KLHL1: variants seen among roughly 807,000 people sequenced by gnomAD.
KLHL1 encodes kelch like family member 1.
Under a neutral mutation model 77.7 loss-of-function variants are expected in KLHL1, and 47 were observed. The observed-to-expected ratio is 0.60, with a 90% CI of 0.48 to 0.77. KLHL1 has a LOEUF of 0.77. KLHL1 is among the 30% of genes least tolerant of loss of function. KLHL1 has a pLI of 0.00. For missense variants in KLHL1, 925 were observed against 910.8 expected, an observed-to-expected ratio of 1.02 and a Z score of -0.20; for synonymous variants, 360 against 325.2, an observed-to-expected ratio of 1.11 and a Z score of -1.15.
chr13:69,813,189 C>T (rs1043573280), intron 6 of KLHL1, among the ~76,000 whole-genome samples: 4 of 151,936 alleles, frequency 2.6e-5, no homozygotes, highest in Non-Finnish European at 2.9e-5. Flanking sequence ...ATGGATGAAG[C>T]TGGAAACCAT....
chr13:70,051,628 C>T (rs1172475066), intron 1 of KLHL1, among the ~76,000 whole-genome samples: 2 of 151,984 alleles, frequency 1.3e-5, no homozygotes, highest in Non-Finnish European at 2.9e-5. Context: ...TAGTGAGTTA[C>T]ACATGAATTG....
At chr13:69,774,500 G>A (rs1288873092) in intron 7 of KLHL1, among the ~76,000 whole-genome samples, 1 of 151,710 alleles carries the variant, frequency 6.6e-6, no homozygotes, top group Non-Finnish European at 1.5e-5. Context: ...CTCTTCTCAG[G>A]TGTGAAAAAT....
At chr13:69,950,862 A>C (rs1487305429) in intron 3 of KLHL1, among the ~76,000 whole-genome samples, 8 of 151,654 alleles carry the variant, frequency 5.3e-5, no homozygotes, top group Non-Finnish European at 1.2e-4. Context: ...AAATAATTTG[A>C]ACTTGAATCA....
At chr13:69,834,753 C>A (rs1164487144) in intron 6 of KLHL1, among the ~76,000 whole-genome samples, 1 of 151,988 alleles carries the variant, frequency 6.6e-6, no homozygotes, top group African/African-American at 2.4e-5. Flanking sequence ...GAATGTATAA[C>A]AGAAGAACAA....
At chr13:69,846,249 T>C (rs1879455723) in intron 5 of KLHL1, among the ~76,000 whole-genome samples, 1 of 151,562 alleles carries the variant, frequency 6.6e-6, no homozygotes, top group Non-Finnish European at 1.5e-5. Context: ...GTCAGCTAGG[T>C]GGTCACTTTG....
chr13:69,926,335 T>TA (rs1464616433), intron 4 of KLHL1, among the ~76,000 whole-genome samples: 2 of 152,292 alleles, frequency 1.3e-5, no homozygotes, highest in African/African-American at 4.8e-5. Context: ...GCCATGACTT[T>TA]AAAAAAAATA....
intron 1 of KLHL1, among the ~76,000 whole-genome samples, chr13:70,090,933 A>T (rs539750087): frequency 6.6e-6 from 1 of 152,238 alleles, no homozygotes; most frequent in Non-Finnish European, 1.5e-5. Context: ...GTTATGTGTA[A>T]TCACAGTCCT....
At chr13:69,840,276 T>C (rs1879194098) in intron 5 of KLHL1, among the ~76,000 whole-genome samples, 1 of 151,954 alleles carries the variant, frequency 6.6e-6, no homozygotes, top group Non-Finnish European at 1.5e-5. Context: ...CAGGCTGGAG[T>C]GCAGTGGTGT....
At chr13:69,795,485 G>T (rs1741421415) in intron 7 of KLHL1, among the ~76,000 whole-genome samples, 4 of 152,186 alleles carry the variant, frequency 2.6e-5, no homozygotes, top group Admixed American at 2.6e-4. Flanking sequence ...GCATATTTCA[G>T]ATCTTTAAAA....
intron 1 of KLHL1, among the ~76,000 whole-genome samples, chr13:70,056,984 G>A (rs2137399616): frequency 1.1e-5 from 1 of 89,954 alleles, no homozygotes; most frequent in East Asian, 4.3e-4. Context: ...AAACGAAATT[G>A]TAACAAAAAT....
intron 7 of KLHL1, among the ~76,000 whole-genome samples, chr13:69,774,718 A>T (rs573375808): frequency 6.6e-6 from 1 of 152,098 alleles, no homozygotes; most frequent in African/African-American, 2.4e-5. Flanking sequence ...ATTCTGTTCA[A>T]TTGTAATAAA....
chr13:69,997,367 T>A (rs1272237145), intron 1 of KLHL1, among the ~76,000 whole-genome samples: 2 of 151,014 alleles, frequency 1.3e-5, no homozygotes, highest in African/African-American at 4.9e-5. Context: ...CAATGCAGTA[T>A]TTGGTAACTA....
At chr13:69,968,679 T>C (rs1447827315) in intron 2 of KLHL1, among the ~76,000 whole-genome samples, 2 of 152,138 alleles carry the variant, frequency 1.3e-5, no homozygotes, top group African/African-American at 4.8e-5. Context: ...AAGGACAGAC[T>C]GCAGAATGGA....
rs565152664 is a variant in KLHL1, at chr13:69,715,480, C to T, written c.2015+3889G>A. ...ATGTGGAGCTATGAGTCAATTATACCTCTTTTCTTTATAAATTACCCAGTC... is the reference window on the plus strand; with the variant it reads ...ATGTGGAGCTATGAGTCAATTATACTTCTTTTCTTTATAAATTACCCAGTC... On this transcript the variant is annotated intron_variant, in intron 9 of 10. Transcript: ENST00000377844. Among the ~76,000 whole-genome samples, 4 of 151,542 alleles carry T rather than the reference C, an allele frequency of 2.6e-5. No homozygotes were observed. In the East Asian group the frequency reaches 7.8e-4, roughly 30 times the overall value.
chr13:69,837,567 GTATAGA>G (rs1476577909), intron 6 of KLHL1, among the ~76,000 whole-genome samples: 1 of 144,156 alleles, frequency 6.9e-6, no homozygotes, highest in East Asian at 2.0e-4. Flanking sequence ...ATATAAATAT[GTATAGA>G]TATATAGTTA....
At chr13:69,801,399 G>T (rs1264104000) in intron 6 of KLHL1, among the ~76,000 whole-genome samples, 5 of 152,106 alleles carry the variant, frequency 3.3e-5, no homozygotes, top group Non-Finnish European at 7.3e-5. Flanking sequence ...GGCCACATCT[G>T]CCATAGAGAA....
At chr13:69,720,968 ACTCCC>A (rs1873018489) in intron 8 of KLHL1, among the ~76,000 whole-genome samples, 1 of 126,542 alleles carries the variant, frequency 7.9e-6, no homozygotes, top group Non-Finnish European at 1.7e-5. Context: ...AAATCCTGGG[ACTCCC>A]AAATCACTAA....
chr13:69,874,535 T>C (rs1280492171), intron 5 of KLHL1, among the ~76,000 whole-genome samples: 1 of 152,178 alleles, frequency 6.6e-6, no homozygotes, highest in Non-Finnish European at 1.5e-5. Flanking sequence ...TTTGCTTTAC[T>C]GCAGATGTTT....
chr13:69,790,609 G>A (rs9572289), intron 7 of KLHL1, among the ~76,000 whole-genome samples: 35,558 of 152,030 alleles, frequency 0.23, 4,277 homozygotes, highest in South Asian at 0.32. Flanking sequence ...GTGACTAAGT[G>A]TAATGTATTT....
Sources: gnomAD v4.1 joint callset for allele counts (sites outside exome capture counted in the v4.1 genomes callset) on GRCh38, gnomAD v4.1.1 for gene constraint, MANE v1.5 for transcripts, NCBI Gene and HGNC (gene_info 2026-07-23, HGNC 2026-07-21) for gene names.